Variants in ZDHHC2 observed in about 807,000 individuals in gnomAD.
ZDHHC2 encodes zDHHC palmitoyltransferase 2, also known as palmitoyltransferase ZDHHC2.
ZDHHC2 carries 51 observed loss-of-function variants against 55.6 expected under a neutral mutation model. The ratio of observed to expected loss-of-function variants is 0.92; its 90% confidence interval spans 0.73 to 1.16. The LOEUF is 1.16. ZDHHC2 is among the 50% of genes most tolerant of loss of function. The pLI, the probability that ZDHHC2 is intolerant of heterozygous loss-of-function variation, is 0.00. For synonymous variants in ZDHHC2, 199 were observed against 152.9 expected (o/e 1.30, Z -2.22); for missense variants, 491 against 442.4 (o/e 1.11, Z -0.99).
chr8:17,210,030 A>T lies in ZDHHC2; in HGVS notation c.829A>T (p.Lys277Ter), dbSNP rs1359297632. The stretch of plus-strand genomic sequence containing the variant: ...GCGACAAGTTTTTGGTGATGAGAAG[A>T]AGTACTGGTTGCTACCCATTTTTTC... ...NMRQVFGDEK[K>*]YWLLPIFSSL... The change falls in exon 9 of 13, where the codon AAG becomes TAG. Residue 277 changes from lysine (K) to a stop codon, truncating the protein, a stop_gained. Transcript: ENST00000262096. LOFTEE classifies it high-confidence loss of function. 1.2e-6 allele frequency: 2 copies of T among 1,607,018 alleles called. No individual in the cohort carries two copies. Among genetic ancestry groups the T allele is most frequent in the Admixed American group, 1.7e-5 (1 of 59,024 alleles).
intron 1 of ZDHHC2, among the ~76,000 whole-genome samples, chr8:17,172,850 T>C (rs1407979429): frequency 6.6e-6 from 1 of 152,186 alleles, no homozygotes; most frequent in Non-Finnish European, 1.5e-5. Flanking sequence ...TATCACCATT[T>C]TACTGTTGCT....
At chr8:17,203,509 C>T (rs1194487916) in intron 6 of ZDHHC2, among the ~76,000 whole-genome samples, 1 of 152,168 alleles carries the variant, frequency 6.6e-6, no homozygotes, top group African/African-American at 2.4e-5. Flanking sequence ...GCTGGGATTA[C>T]AGGCGTCAGC....
intron 12 of ZDHHC2, among the ~76,000 whole-genome samples, chr8:17,219,252 T>TAAAAAAAAAAAAAAAAAAAAA (rs71212684): frequency 1.0e-4 from 5 of 49,560 alleles, no homozygotes; most frequent in Non-Finnish European, 1.3e-4. Context: ...AGCAAGACTC[T>TAAAAAAAAAAAAAAAAAAAAA]AAAAAAAAAA....
intron 4 of ZDHHC2, among the ~76,000 whole-genome samples, chr8:17,196,549 G>T (rs1369980813): frequency 6.7e-6 from 1 of 150,100 alleles, no homozygotes; most frequent in Non-Finnish European, 1.5e-5. Context: ...GTGAGACCCT[G>T]TCTCTAAAAA....
intron 1 of ZDHHC2, among the ~76,000 whole-genome samples, chr8:17,169,369 C>G (rs781298979): frequency 5.3e-5 from 8 of 151,900 alleles, no homozygotes; most frequent in Non-Finnish European, 1.0e-4. Context: ...TATGAGAGTG[C>G]TGGTCATCGG....
At chr8:17,190,812 G>A (rs1370687939) in intron 3 of ZDHHC2, among the ~76,000 whole-genome samples, 1 of 151,824 alleles carries the variant, frequency 6.6e-6, no homozygotes, top group East Asian at 1.9e-4. Flanking sequence ...AGCGTAAATT[G>A]GGTATCAGTT....
intron 6 of ZDHHC2, among the ~76,000 whole-genome samples, chr8:17,199,622 T>TTCTTCCTTTCTTCTTCC (rs1806619265): frequency 2.0e-5 from 1 of 50,490 alleles, no homozygotes. Context: ...CTTCTTCTTC[T>TTCTTCCTTTCTTCTTCC]TCCTTTCTTC....
chr8:17,186,453 C>G (rs1430403218), intron 3 of ZDHHC2, 28 bp downstream of exon 3: 1 of 1,319,564 alleles, frequency 7.6e-7, no homozygotes, highest in Non-Finnish European at 1.0e-6. Flanking sequence ...CGAAATTATT[C>G]TAATAATAGA....
chr8:17,163,296 C>G (rs1448829420), intron 1 of ZDHHC2, among the ~76,000 whole-genome samples: 2 of 152,222 alleles, frequency 1.3e-5, no homozygotes, highest in Non-Finnish European at 2.9e-5. Flanking sequence ...TCCAGTGTTC[C>G]AGCCTGGGCA....
At chr8:17,219,333 G>T (rs1807805483) in intron 12 of ZDHHC2, among the ~76,000 whole-genome samples, 1 of 144,986 alleles carries the variant, frequency 6.9e-6, no homozygotes, top group African/African-American at 2.6e-5. Context: ...AATAGTAAAT[G>T]ATGTCACCTT....
intron 1 of ZDHHC2, among the ~76,000 whole-genome samples, chr8:17,181,194 A>G (rs938021627): frequency 1.9e-4 from 29 of 152,280 alleles, no homozygotes; most frequent in African/African-American, 7.0e-4. Context: ...TTGATATACC[A>G]GTTTTATGTG....
At chr8:17,187,914 T>C (rs1192273993) in intron 3 of ZDHHC2, among the ~76,000 whole-genome samples, 1 of 152,210 alleles carries the variant, frequency 6.6e-6, no homozygotes, top group Non-Finnish European at 1.5e-5. Context: ...CACCTTCTCC[T>C]TCCCCAGACT....
At position 17,183,965 on chromosome 8, in the gene ZDHHC2, C is replaced by A. The variant is rs142304150; in HGVS notation, c.131-824C>A. On this transcript the variant is annotated intron_variant, in intron 1 of 12. Coordinates refer to ENST00000262096, the MANE Select transcript of ZDHHC2 (RefSeq NM_016353.5). Reference sequence around the variant, plus strand: ...GCTTCAGAAGGCAGCGCATTTCATTCCAGCACCAAGGCCTGAGGTCCCGTG... The same window carrying A: ...GCTTCAGAAGGCAGCGCATTTCATTACAGCACCAAGGCCTGAGGTCCCGTG... Among the ~76,000 whole-genome samples the A allele has an allele frequency of 3.1e-3, 472 of 152,236 alleles. 3 individuals are homozygous for A. The highest frequency in any genetic ancestry group is 7.8e-3 in the Admixed American group (120 of 15,290).
intron 1 of ZDHHC2, among the ~76,000 whole-genome samples, chr8:17,179,154 G>T (rs948746083): frequency 9.2e-5 from 14 of 152,064 alleles, no homozygotes; most frequent in Non-Finnish European, 1.9e-4. Flanking sequence ...GTTTCACTGT[G>T]TTGCCCGGGC....
chr8:17,162,903 A>AATTT (rs1804418748), intron 1 of ZDHHC2: 1 of 152,228 alleles, frequency 6.6e-6, no homozygotes, highest in Admixed American at 6.5e-5. Flanking sequence ...AGTAGAAATG[A>AATTT]GTTTTAAGTC....
In ZDHHC2 at chr8:17,221,642, A is replaced by G. The variant is rs1343934599; in HGVS notation, c.*1421A>G. On this transcript the variant is annotated 3_prime_UTR_variant, in exon 13 of 13. Coordinates refer to ENST00000262096, the MANE Select transcript of ZDHHC2 (RefSeq NM_016353.5). ...GATAATGGAATAAAAGATCATTGCA[A>G]TTACTTATCCTTCCTAAAAATATAG... 2.0e-5 allele frequency: 3 copies of G among 152,544 alleles called. No homozygotes were observed. Among genetic ancestry groups the G allele is most frequent in the Non-Finnish European group, 4.4e-5 (3 of 67,958 alleles). The allele number at this position is 152,544 out of a possible 1,614,324, so 9.4% of individuals were successfully genotyped here. A position where few individuals can be genotyped will look rare whatever the true frequency, so the allele number is the denominator to read the frequency against.
At chr8:17,164,572 A>G (rs1403270158) in intron 1 of ZDHHC2, among the ~76,000 whole-genome samples, 2 of 152,082 alleles carry the variant, frequency 1.3e-5, no homozygotes, top group African/African-American at 4.8e-5. Context: ...AGAGGAGTTC[A>G]TCAGCAAAAT....
chr8:17,210,222 C>A, intron 9 of ZDHHC2, 164 bp downstream of exon 9: 1 of 1,071,768 alleles, frequency 9.3e-7, no homozygotes, highest in South Asian at 1.7e-5. Context: ...GTGTGGAAGT[C>A]AGTTAATTCA....
Position 17,199,503 on chromosome 8 carries a change from T to TTCG in ZDHHC2, c.476+1092_476+1093insGTC, listed in dbSNP as rs1402172161. Among the ~76,000 whole-genome samples the TTCG allele has an allele frequency of 2.6e-3, 164 of 63,192 alleles. 4 individuals carry two copies. The highest frequency in any genetic ancestry group is 4.9e-3 in the African/African-American group (103 of 21,028). The allele number at this position is 63,192 out of a possible 152,430, so 41.5% of individuals were successfully genotyped here. A position where few individuals can be genotyped will look rare whatever the true frequency, so the allele number is the denominator to read the frequency against. ...CTTCTTCTTCTTCTTCTTCTTCTTC[T>TTCG]TCTTCTTCTTCGTCTTCGTCTTCGT... On this transcript the variant is annotated intron_variant, in intron 6 of 12. Coordinates refer to ENST00000262096, the MANE Select transcript of ZDHHC2 (RefSeq NM_016353.5).
Sources: gnomAD v4.1 joint callset for allele counts (sites outside exome capture counted in the v4.1 genomes callset) on GRCh38, gnomAD v4.1.1 for gene constraint, MANE v1.5 for transcripts, NCBI Gene and HGNC (gene_info 2026-07-23, HGNC 2026-07-21) for gene names.